LPIN2: variants seen among roughly 807,000 people sequenced by gnomAD.
The protein encoded by LPIN2 is phosphatidate phosphatase LPIN2.
Under a neutral mutation model 111.4 loss-of-function variants are expected in LPIN2, and 55 were observed. The ratio of observed to expected loss-of-function variants is 0.49; its 90% CI spans 0.40 to 0.62. The LOEUF is 0.62. Ranked by LOEUF, LPIN2 falls within the 20% of genes least tolerant of loss-of-function variation. The probability of loss-of-function intolerance (pLI) is 0.00; values close to 1 mark genes in which losing one functional copy is unlikely to be tolerated. For missense variants in LPIN2, 992 were observed against 1,112.1 expected, an observed-to-expected ratio of 0.89 and a Z score of 1.54; for synonymous variants, 425 against 414.0, an observed-to-expected ratio of 1.03 and a Z score of -0.32.
intron 9 of LPIN2, among the ~76,000 whole-genome samples, chr18:2,930,056 C>T (rs188452719): frequency 6.6e-6 from 1 of 152,272 alleles, no homozygotes; most frequent in East Asian, 1.9e-4. Context: ...GAGGGCTTCC[C>T]ATGAATTTTT....
At chr18:2,991,987 G>A (rs562420324) in intron 1 of LPIN2, among the ~76,000 whole-genome samples, 20 of 145,090 alleles carry the variant, frequency 1.4e-4, no homozygotes, top group Admixed American at 3.5e-4. Flanking sequence ...TAGCCTGGGC[G>A]ACAGAGTGAG....
At position 2,951,290 on chromosome 18, in the gene LPIN2, C is replaced by T. The variant is rs1049311211; in HGVS notation, c.355G>A (p.Asp119Asn). 1.9e-6 allele frequency: 3 copies of T among 1,613,964 alleles called. No individual in the cohort carries two copies. The highest frequency in any genetic ancestry group is 1.7e-6 in the Non-Finnish European group (2 of 1,179,988). The change falls in exon 4 of 20, where the codon GAC (aspartate) becomes AAC (asparagine). Residue 119 changes from aspartate (D) to asparagine (N), a missense_variant. By Grantham distance (23) the Asp-to-Asn change is conservative (BLOSUM62 1). Coordinates refer to ENST00000677752, the MANE Select transcript of LPIN2 (RefSeq NM_001375808.2). ...PTEDQFFKDI[D>N]TPLVKSGGDE... ...CCACCCGATTTCACCAAAGGGGTGTCAATATCTTTAAAGAACTGATCTTCA... is the reference window on the plus strand; with the variant it reads ...CCACCCGATTTCACCAAAGGGGTGTTAATATCTTTAAAGAACTGATCTTCA...
intron 9 of LPIN2, 60 bp downstream of exon 9, chr18:2,931,196 A>C (rs932309584): frequency 1.3e-6 from 2 of 1,565,670 alleles, no homozygotes; most frequent in Non-Finnish European, 1.8e-6. Flanking sequence ...GGTAAGTTTT[A>C]ACCAAGTGAT....
intron 15 of LPIN2, among the ~76,000 whole-genome samples, 189 bp from the exon 16 acceptor site, chr18:2,924,050 C>G (rs1309350494): frequency 2.6e-5 from 4 of 152,210 alleles, no homozygotes; most frequent in Non-Finnish European, 4.4e-5. Flanking sequence ...CTTCTGAAAG[C>G]GGAGTCTCAC....
chr18:2,966,469 G>T (rs1416431785), intron 1 of LPIN2, among the ~76,000 whole-genome samples: 1 of 152,072 alleles, frequency 6.6e-6, no homozygotes, highest in Admixed American at 6.5e-5. Context: ...GTGGAAACTC[G>T]GGTTCAGAAA....
intron 1 of LPIN2, among the ~76,000 whole-genome samples, chr18:2,986,318 T>C (rs2078184667): frequency 6.6e-6 from 1 of 152,140 alleles, no homozygotes; most frequent in African/African-American, 2.4e-5. Context: ...AATCTCAAAA[T>C]TCTAAACAAG....
intron 3 of LPIN2, among the ~76,000 whole-genome samples, chr18:2,952,087 C>G (rs1461178062): frequency 6.6e-6 from 1 of 152,138 alleles, no homozygotes; most frequent in African/African-American, 2.4e-5. Flanking sequence ...TTGTTTCATT[C>G]CTTTTTGTAT....
chr18:2,980,731 G>A (rs998775232), intron 1 of LPIN2, among the ~76,000 whole-genome samples: 3 of 152,222 alleles, frequency 2.0e-5, no homozygotes, highest in African/African-American at 4.8e-5. Context: ...TCTCGCTTCC[G>A]CTGGAGAAGA....
In LPIN2 at chr18:2,960,962, T is replaced by C; in HGVS notation, c.-9-113A>G. ...ACTCACTTGTATGCCAGATTTCATA[T>C]CATTAGCCTTATTAATTTTCAACCT... On this transcript the variant is annotated intron_variant, in intron 1 of 19. Coordinates refer to ENST00000677752, the MANE Select transcript of LPIN2 (RefSeq NM_001375808.2). 3 of 814,658 alleles carry C rather than the reference T, an allele frequency of 3.7e-6. No homozygotes were observed. In the South Asian group the frequency reaches 4.4e-5, roughly 12 times the overall value. The allele number at this position is 814,658 out of a possible 1,614,324, so 50.5% of individuals were successfully genotyped here.
rs1364308731 is a variant in LPIN2 at position 2,958,148 on chromosome 18, AAAAAAAAAACAAC to A, written c.192+2488_192+2500del. ...CAAAGCGAGACTCCATCTCAAAAAA[AAAAAAAAAACAAC>A]AAAAAAAAAAAACAGAAAAAAGAAA... On this transcript the variant is annotated intron_variant, in intron 2 of 19. Transcript: ENST00000677752. Among the ~76,000 whole-genome samples the A allele has an allele frequency of 3.1e-3, 367 of 119,336 alleles. 59 individuals are homozygous for A. Among genetic ancestry groups the A allele is most frequent in the East Asian group, 0.017 (74 of 4,314 alleles). The allele number at this position is 119,336 out of a possible 152,430, so 78.3% of individuals were successfully genotyped here.
rs1043440223 is a variant in LPIN2 at position 2,935,469 on chromosome 18, C to T, written c.1169-1019G>A. Among the ~76,000 whole-genome samples the T allele has an allele frequency of 2.0e-5, 3 of 152,036 alleles. No homozygotes were observed. In the East Asian group the frequency reaches 5.8e-4, roughly 29 times the overall value. On this transcript the variant is annotated intron_variant, in intron 7 of 19. Coordinates refer to ENST00000677752, the MANE Select transcript of LPIN2 (RefSeq NM_001375808.2). ...TGAGCTCTTTAAAAGGTTACTATCA[C>T]GGGTGTAGAGAGGGCATGAGGGTGT...
intron 1 of LPIN2, among the ~76,000 whole-genome samples, chr18:2,965,527 A>T: frequency 6.6e-6 from 1 of 152,108 alleles, no homozygotes; most frequent in East Asian, 1.9e-4. Context: ...TCAGGAGTTC[A>T]AGACCAGCCT....
chr18:2,969,475 CTG>C (rs2077867264), intron 1 of LPIN2, among the ~76,000 whole-genome samples: 1 of 152,202 alleles, frequency 6.6e-6, no homozygotes, highest in Admixed American at 6.5e-5. Flanking sequence ...ATCACAAACT[CTG>C]TCTTTCTAAA....
At chr18:3,000,069 G>GGAGGAA (rs1168538963) in intron 1 of LPIN2, among the ~76,000 whole-genome samples, 2 of 147,892 alleles carry the variant, frequency 1.4e-5, no homozygotes, top group Non-Finnish European at 3.0e-5. Context: ...AGGAGGAGGA[G>GGAGGAA]GAGGAAGAGG....
At chr18:2,926,594 A>T in intron 13 of LPIN2, 129 bp downstream of exon 13, 1 of 756,908 alleles carries the variant, frequency 1.3e-6, no homozygotes, top group East Asian at 2.7e-5. Context: ...TGGCACAAAT[A>T]TATCACAGCA....
chr18:3,001,604 A>G (rs2078436489), intron 1 of LPIN2, among the ~76,000 whole-genome samples: 1 of 149,688 alleles, frequency 6.7e-6, no homozygotes, highest in South Asian at 2.2e-4. Context: ...ATCAATAGAG[A>G]AGGTCTAAAA....
chr18:2,989,300 A>G (rs1372539896), intron 1 of LPIN2, among the ~76,000 whole-genome samples: 3 of 152,198 alleles, frequency 2.0e-5, no homozygotes, highest in African/African-American at 7.2e-5. Flanking sequence ...ACATTATGCA[A>G]TGCATCTAAA....
chr18:2,971,621 A>T (rs1225382585), intron 1 of LPIN2, among the ~76,000 whole-genome samples: 1 of 152,198 alleles, frequency 6.6e-6, no homozygotes, highest in Non-Finnish European at 1.5e-5. Flanking sequence ...AAATGAATGA[A>T]TGAATGCAAG....
At chr18:2,989,763 A>T (rs2078237190) in intron 1 of LPIN2, among the ~76,000 whole-genome samples, 1 of 152,232 alleles carries the variant, frequency 6.6e-6, no homozygotes, top group South Asian at 2.1e-4. Context: ...TCTACAAAAA[A>T]TACAGAAATT....
Sources: allele counts gnomAD v4.1 joint callset (sites outside exome capture counted in the v4.1 genomes callset), GRCh38; gene constraint gnomAD v4.1.1; transcripts MANE v1.5; gene names NCBI Gene and HGNC (gene_info 2026-07-23, HGNC 2026-07-21).